Variants in PIKFYVE observed in about 807,000 individuals in gnomAD.
The protein encoded by PIKFYVE is 1-phosphatidylinositol 3-phosphate 5-kinase.
In PIKFYVE, 122 loss-of-function variants were observed where a neutral mutation model predicts 257.9. The observed-to-expected ratio is 0.47, with a 90% CI of 0.41 to 0.55. The LOEUF (loss-of-function observed/expected upper bound fraction) is 0.55. Ranked by LOEUF, PIKFYVE falls within the 20% of genes least tolerant of loss-of-function variation. PIKFYVE has a pLI of 0.00. For missense variants in PIKFYVE, 2,160 were observed against 2,536.6 expected (o/e 0.85, Z 3.19); for synonymous variants, 892 against 868.9 (o/e 1.03, Z -0.47).
chr2:208,345,554 A>C lies in PIKFYVE; in HGVS notation c.5111+360A>C, dbSNP rs1236543544. 2.6e-5 allele frequency among the ~76,000 whole-genome samples: 4 copies of C among 152,154 alleles called. No homozygotes were observed. The East Asian group carries it at 7.7e-4, about 29-fold the overall frequency. ...AGTATCTGTGAATTGTTTATAATAA[A>C]TAAAGGTCCTAATACTTCAAAAACC... On this transcript the variant is annotated intron_variant, in intron 33 of 41. Coordinates refer to ENST00000264380, the MANE Select transcript of PIKFYVE (RefSeq NM_015040.4).
intron 9 of PIKFYVE, among the ~76,000 whole-genome samples, chr2:208,301,494 T>C (rs775269960): frequency 6.6e-6 from 1 of 152,168 alleles, no homozygotes; most frequent in African/African-American, 2.4e-5. Context: ...AAATCATTTA[T>C]AAAAAAGAGT....
chr2:208,320,279 A>G lies in PIKFYVE; in HGVS notation c.2110A>G (p.Ile704Val). 1 of 1,611,816 alleles carries G rather than the reference A, an allele frequency of 6.2e-7. No individual in the cohort carries two copies. Residue 704 changes from isoleucine to valine, a missense_variant, in exon 17 of 42, where the codon ATT becomes GTT. By Grantham distance (29) the Ile-to-Val change is conservative (BLOSUM62 3). This residue lies in a region of PIKFYVE where 346 missense variants were observed against 365.6 expected (regional missense o/e 0.95). Coordinates refer to ENST00000264380, the MANE Select transcript of PIKFYVE (RefSeq NM_015040.4). ...GAGTTCTTGTATTAAAAACCCCAAAATTCTTCTGTTGAAGTGTTCCATTGA... is the reference window on the plus strand; with the variant it reads ...GAGTTCTTGTATTAAAAACCCCAAAGTTCTTCTGTTGAAGTGTTCCATTGA... ...KMSSCIKNPK[I>V]LLLKCSIEYL...
At chr2:208,336,803 C>T in intron 27 of PIKFYVE, 35 bp from the exon 28 acceptor site, 1 of 1,409,566 alleles carries the variant, frequency 7.1e-7, no homozygotes, top group Non-Finnish European at 1.0e-6. Context: ...TAGAAACAAA[C>T]CATATATATA....
At chr2:208,337,798 T>C (rs972484110) in intron 28 of PIKFYVE, among the ~76,000 whole-genome samples, 1 of 152,128 alleles carries the variant, frequency 6.6e-6, no homozygotes, top group Non-Finnish European at 1.5e-5. Flanking sequence ...CGCGGCTCAC[T>C]GCAACCTCTG....
intron 25 of PIKFYVE, 111 bp from the exon 26 acceptor site, chr2:208,335,682 G>A (rs1698059335): frequency 1.1e-6 from 1 of 949,858 alleles, no homozygotes; most frequent in Admixed American, 2.0e-5. Flanking sequence ...TTCTTAATTA[G>A]GTAAAACATA....
chr2:208,347,826 A>T, intron 34 of PIKFYVE, 33 bp from the exon 35 acceptor site: 1 of 1,564,144 alleles, frequency 6.4e-7, no homozygotes, highest in Non-Finnish European at 8.7e-7. Flanking sequence ...AGTGACCTGT[A>T]CTTAAAATTA....
chr2:208,289,350 C>G (rs1188764921), intron 7 of PIKFYVE, among the ~76,000 whole-genome samples: 1 of 152,058 alleles, frequency 6.6e-6, no homozygotes, highest in Non-Finnish European at 1.5e-5. Context: ...AAAAATATAT[C>G]TTCATGTATT....
chr2:208,278,527 A>AG (rs1244571733), intron 5 of PIKFYVE, among the ~76,000 whole-genome samples: 1 of 151,994 alleles, frequency 6.6e-6, no homozygotes, highest in Non-Finnish European at 1.5e-5. Flanking sequence ...TATGGTATCC[A>AG]GTAGTTAGTT....
At chr2:208,334,112 AGCCTTCAGGTTCT>A (rs1430910476) in intron 24 of PIKFYVE, among the ~76,000 whole-genome samples, 1 of 152,256 alleles carries the variant, frequency 6.6e-6, no homozygotes, top group East Asian at 1.9e-4. Flanking sequence ...AATTTGAGAC[AGCCTTCAGGTTCT>A]GCCTTCAAAA....
At position 208,335,825 on chromosome 2, in the gene PIKFYVE, G is replaced by A; in HGVS notation, c.4289G>A (p.Arg1430Lys). 6.2e-7 allele frequency: 1 copy of A among 1,613,078 alleles called. No homozygotes were observed. ...VSQVYVAIDE[R>K]LASLKTDTFS... ...CAGGTATATGTTGCCATTGATGAAA[G>A]ACTTGCATCTTTGAAAACTGATACA... Residue 1430 changes from arginine (R) to lysine (K), a missense_variant, in exon 26 of 42, where the codon AGA becomes AAA. Around this residue, in one of 12 missense-constraint regions of PIKFYVE, gnomAD observed 699 missense variants for 855.8 expected, o/e 0.82. Transcript: ENST00000264380.
chr2:208,326,498 T>TA (rs1336339996), intron 20 of PIKFYVE, 69 bp downstream of exon 20: 11 of 1,525,022 alleles, frequency 7.2e-6, no homozygotes, highest in African/African-American at 1.4e-5. Flanking sequence ...AAAGGCAGGC[T>TA]AAAAAAATCA....
intron 31 of PIKFYVE, 58 bp downstream of exon 31, chr2:208,340,189 C>G: frequency 2.5e-6 from 4 of 1,583,078 alleles, no homozygotes; most frequent in Non-Finnish European, 3.5e-6. Context: ...CTTAGTTGCT[C>G]GCTTCATATT....
rs776131894 is a variant in PIKFYVE at position 208,314,323 on chromosome 2, A to G, written c.1726A>G (p.Lys576Glu). 1 of 1,613,820 alleles carries G rather than the reference A, an allele frequency of 6.2e-7. No homozygotes were observed. Among genetic ancestry groups the G allele is most frequent in the East Asian group, 2.2e-5 (1 of 44,862 alleles). The stretch of plus-strand genomic sequence containing the variant: ...CTTATTTAATCGCCGAGTAGAGGAA[A>G]AATCCAAAGAGCTGCCTTTCACACC... The part of the protein sequence containing the change: ...ESLFNRRVEE[K>E]SKELPFTPLG... The change falls in exon 14 of 42, where the codon AAA (lysine) becomes GAA (glutamate). Residue 576 changes from lysine (K) to glutamate (E), a missense_variant. Lys to Glu is a moderately conservative substitution (Grantham distance 56, BLOSUM62 1). Coordinates refer to ENST00000264380, the MANE Select transcript of PIKFYVE (RefSeq NM_015040.4).
At chr2:208,321,579 T>C (rs1696226599) in intron 17 of PIKFYVE, among the ~76,000 whole-genome samples, 2 of 120,270 alleles carry the variant, frequency 1.7e-5, no homozygotes, top group South Asian at 2.8e-4. Context: ...TCTTTTGTTT[T>C]TTTTTTTTTT....
At chr2:208,332,695 G>C (rs768273428) in intron 23 of PIKFYVE, among the ~76,000 whole-genome samples, 4 of 152,004 alleles carry the variant, frequency 2.6e-5, no homozygotes, top group Non-Finnish European at 4.4e-5. Context: ...TGAAACTATA[G>C]GAGTTTTTAT....
chr2:208,311,256 G>A (rs1332068303), intron 12 of PIKFYVE, among the ~76,000 whole-genome samples: 1 of 152,152 alleles, frequency 6.6e-6, no homozygotes, highest in Non-Finnish European at 1.5e-5. Context: ...TCATTCCTGT[G>A]AGGGAAGAGT....
chr2:208,292,461 A>G (rs926977110), intron 7 of PIKFYVE, among the ~76,000 whole-genome samples: 1 of 151,996 alleles, frequency 6.6e-6, no homozygotes, highest in East Asian at 1.9e-4. Flanking sequence ...TGCCTCATAT[A>G]TTTTGGTACT....
rs537765087 is a variant in PIKFYVE, at chr2:208,341,253, C to A, written c.4931+1122C>A. On this transcript the variant is annotated intron_variant, in intron 31 of 41. Transcript: ENST00000264380. ...GAACTCCTGACCTCAGGTGATCTGC[C>A]CACCTCTGTCTCCCAAAGTACTGAG... 2.6e-5 allele frequency among the ~76,000 whole-genome samples: 4 copies of A among 152,184 alleles called. No homozygotes were observed. The South Asian group carries it at 8.3e-4, about 32-fold the overall frequency.
chr2:208,288,606 A>AAT, intron 6 of PIKFYVE, 123 bp from the exon 7 acceptor site: 1 of 1,437,414 alleles, frequency 7.0e-7, no homozygotes, highest in South Asian at 1.3e-5. Context: ...GAAGAACAAA[A>AAT]ATGACACATA....
Sources: allele counts gnomAD v4.1 joint callset (sites outside exome capture counted in the v4.1 genomes callset), GRCh38; gene constraint gnomAD v4.1.1; regional missense constraint gnomAD v4.1.1; transcripts MANE v1.5; gene names NCBI Gene and HGNC (gene_info 2026-07-23, HGNC 2026-07-21).